Variants in KCNH7 observed in about 807,000 individuals in gnomAD.
The protein encoded by KCNH7 is voltage-gated inwardly rectifying potassium channel KCNH7.
In KCNH7, 49 loss-of-function variants were observed where a neutral mutation model predicts 120.8. The ratio of observed to expected loss-of-function variants is 0.41; its 90% CI spans 0.32 to 0.51. The LOEUF (loss-of-function observed/expected upper bound fraction) is 0.51, where lower values mean the gene tolerates loss of function less well. Ranked by LOEUF, KCNH7 falls within the 20% of genes least tolerant of loss-of-function variation. KCNH7 has a pLI of 0.38. For synonymous variants in KCNH7, 547 were observed against 516.1 expected (o/e 1.06, Z -0.81); for missense variants, 1,097 against 1,446.6 (o/e 0.76, Z 3.92).
chr2:162,591,921 G>A (rs1694227837), intron 2 of KCNH7, among the ~76,000 whole-genome samples: 1 of 151,902 alleles, frequency 6.6e-6, no homozygotes, highest in South Asian at 2.1e-4. Flanking sequence ...CAGGCAGCTT[G>A]TTATATATGT....
intron 2 of KCNH7, among the ~76,000 whole-genome samples, chr2:162,816,365 T>G (rs1684919473): frequency 6.6e-6 from 1 of 151,948 alleles, no homozygotes; most frequent in Admixed American, 6.6e-5. Context: ...TGTTTTAGTT[T>G]GAAATCTGTA....
intron 2 of KCNH7, among the ~76,000 whole-genome samples, chr2:162,565,214 T>A (rs901204005): frequency 2.6e-5 from 4 of 152,068 alleles, no homozygotes; most frequent in Admixed American, 6.6e-5. Context: ...TTCTTCCCCA[T>A]ATAGGTATTT....
At chr2:162,728,802 T>G (rs10153806) in intron 2 of KCNH7, among the ~76,000 whole-genome samples, 1 of 151,930 alleles carries the variant, frequency 6.6e-6, no homozygotes, top group African/African-American at 2.4e-5. Flanking sequence ...ACAAAAAACT[T>G]TGATGAAGCC....
intron 2 of KCNH7, among the ~76,000 whole-genome samples, chr2:162,654,080 T>G (rs1402959939): frequency 6.8e-6 from 1 of 147,182 alleles, no homozygotes; most frequent in African/African-American, 2.6e-5. Flanking sequence ...ATGACCTTAG[T>G]GTGAGCAATG....
chr2:162,558,879 T>C (rs994548563), intron 2 of KCNH7, among the ~76,000 whole-genome samples: 5 of 150,534 alleles, frequency 3.3e-5, no homozygotes, highest in African/African-American at 4.9e-5. Context: ...CACGGTGAAA[T>C]CCTGTCTCTA....
At chr2:162,585,621 C>T (rs1286162724) in intron 2 of KCNH7, among the ~76,000 whole-genome samples, 3 of 151,052 alleles carry the variant, frequency 2.0e-5, no homozygotes, top group African/African-American at 7.3e-5. Flanking sequence ...TCTTATATAA[C>T]CAAATGATAG....
At chr2:162,650,565 G>A (rs552316453) in intron 2 of KCNH7, among the ~76,000 whole-genome samples, 6 of 152,102 alleles carry the variant, frequency 3.9e-5, no homozygotes, top group Admixed American at 6.6e-5. Context: ...TTCATTCCTC[G>A]CCTAGGTTCA....
At chr2:162,753,912 G>A (rs929902550) in intron 2 of KCNH7, among the ~76,000 whole-genome samples, 3 of 151,948 alleles carry the variant, frequency 2.0e-5, no homozygotes, top group Admixed American at 6.6e-5. Context: ...TGGTTTATAA[G>A]TGGATCATTT....
intron 2 of KCNH7, among the ~76,000 whole-genome samples, chr2:162,711,042 T>C (rs935689621): frequency 2.0e-5 from 3 of 152,210 alleles, no homozygotes; most frequent in Non-Finnish European, 4.4e-5. Flanking sequence ...ATTACCATTA[T>C]ACTTTCTATA....
chr2:162,728,856 T>C (rs1457432303), intron 2 of KCNH7, among the ~76,000 whole-genome samples: 3 of 152,164 alleles, frequency 2.0e-5, no homozygotes, highest in Admixed American at 1.3e-4. Context: ...ATTTTGGTCT[T>C]ATTTTGAACA....
At chr2:162,385,929 T>G (rs186921698) in intron 12 of KCNH7, among the ~76,000 whole-genome samples, 1 of 152,040 alleles carries the variant, frequency 6.6e-6, no homozygotes, top group Admixed American at 6.6e-5. Flanking sequence ...CCCTTTATTT[T>G]TTTAAATCAT....
chr2:162,528,545 G>C (rs1691795551), intron 3 of KCNH7, among the ~76,000 whole-genome samples: 1 of 151,910 alleles, frequency 6.6e-6, no homozygotes, highest in Non-Finnish European at 1.5e-5. Flanking sequence ...TAAAGTGAAT[G>C]GTAGCTTCAA....
At chr2:162,772,273 G>T (rs1222510963) in intron 2 of KCNH7, among the ~76,000 whole-genome samples, 5 of 152,114 alleles carry the variant, frequency 3.3e-5, no homozygotes, top group African/African-American at 1.2e-4. Flanking sequence ...GAGTAATGTA[G>T]ACTTTTTAAT....
chr2:162,643,992 A>T (rs566129046), intron 2 of KCNH7, among the ~76,000 whole-genome samples: 1 of 152,144 alleles, frequency 6.6e-6, no homozygotes, highest in Non-Finnish European at 1.5e-5. Context: ...GTGGTTCTTC[A>T]GTTTATGGGC....
chr2:162,736,595 G>A (rs1223617463), intron 2 of KCNH7, among the ~76,000 whole-genome samples: 3 of 152,192 alleles, frequency 2.0e-5, no homozygotes, highest in African/African-American at 7.2e-5. Flanking sequence ...CATTCATACA[G>A]CTCACCTATT....
At chr2:162,712,953 G>A (rs552418828) in intron 2 of KCNH7, among the ~76,000 whole-genome samples, 18 of 152,152 alleles carry the variant, frequency 1.2e-4, no homozygotes, top group Admixed American at 5.2e-4. Flanking sequence ...AATCACTCTC[G>A]TTTTTAGTCA....
intron 3 of KCNH7, among the ~76,000 whole-genome samples, chr2:162,529,207 G>C (rs1691828480): frequency 6.6e-6 from 1 of 151,940 alleles, no homozygotes; most frequent in South Asian, 2.1e-4. Context: ...TAAACAATGA[G>C]TTTGCCTAAG....
Position 162,518,042 on chromosome 2 carries a change from A to C in KCNH7, c.580T>G (p.Ser194Ala). 6.2e-7 allele frequency: 1 copy of C among 1,612,516 alleles called. No homozygotes were observed. The highest frequency in any genetic ancestry group is 1.3e-5 in the African/African-American group (1 of 74,896). The change falls in exon 4 of 16, where the codon TCA (serine) becomes GCA (alanine). Residue 194 changes from serine to alanine, a missense_variant. Ser to Ala is a moderately conservative substitution (Grantham distance 99, BLOSUM62 1). Coordinates refer to ENST00000332142, the MANE Select transcript of KCNH7 (RefSeq NM_033272.4). The part of the protein sequence containing the change: ...VIDSSKHSDD[S>A]VAMKHFKSPT... ...GACTTAAAATGCTTCATGGCTACTG[A>C]ATCATCACTGTGTTTAGATGAATCG...
At chr2:162,779,188 GTTTT>G (rs535167575) in intron 2 of KCNH7, among the ~76,000 whole-genome samples, 46 of 147,302 alleles carry the variant, frequency 3.1e-4, no homozygotes, top group Admixed American at 1.3e-3. Context: ...AATTTTTTTT[GTTTT>G]TTTTGTTTGT....
Sources: allele counts gnomAD v4.1 joint callset (sites outside exome capture counted in the v4.1 genomes callset), GRCh38; gene constraint gnomAD v4.1.1; transcripts MANE v1.5; gene names NCBI Gene and HGNC (gene_info 2026-07-23, HGNC 2026-07-21).